Variants in SYN2 observed in about 807,000 individuals in gnomAD.
The protein encoded by SYN2 is synapsin-2.
A neutral mutation model predicts 50.9 loss-of-function variants in SYN2; 19 were observed. The ratio of observed to expected loss-of-function variants is 0.37; its 90% CI spans 0.26 to 0.55. SYN2 has a LOEUF of 0.55. Among genes scored for constraint, SYN2 ranks in the 20% least tolerant of loss-of-function variants. The pLI is 0.81. For synonymous variants in SYN2, 255 were observed against 224.9 expected, an observed-to-expected ratio of 1.13 and a Z score of -1.20; for missense variants, 587 against 576.4, an observed-to-expected ratio of 1.02 and a Z score of -0.19.
At chr3:12,178,050 A>C (rs965047490) in intron 10 of SYN2, among the ~76,000 whole-genome samples, 3 of 152,200 alleles carry the variant, frequency 2.0e-5, no homozygotes, top group African/African-American at 7.2e-5. Flanking sequence ...AAGGTGCCTC[A>C]AAACATGCGG....
At chr3:12,066,066 G>A (rs307593) in intron 1 of SYN2, among the ~76,000 whole-genome samples, 97,513 of 151,932 alleles carry the variant, frequency 0.64, 33,825 homozygotes, top group South Asian at 0.78. Flanking sequence ...GAATTAGATA[G>A]TGGTAAATAT....
chr3:12,091,329 A>G (rs1695823710), intron 1 of SYN2, among the ~76,000 whole-genome samples: 1 of 152,118 alleles, frequency 6.6e-6, no homozygotes, highest in African/African-American at 2.4e-5. Flanking sequence ...TTGCTCTAAT[A>G]TTTTCTCAGA....
chr3:12,187,743 T>G lies in SYN2; in HGVS notation c.1613+131T>G, dbSNP rs1698373842. 6 of 1,367,184 alleles carry G rather than the reference T, an allele frequency of 4.4e-6. No individual in the cohort carries two copies. In the South Asian group the frequency reaches 8.3e-5, roughly 19 times the overall value. 84.7% of individuals were successfully genotyped at this position (1,367,184 alleles called of 1,614,324 possible). On this transcript the variant is annotated intron_variant, in intron 12 of 12. Coordinates refer to ENST00000621198, the MANE Select transcript of SYN2 (RefSeq NM_133625.6). ...GATATTTTGTGATGGGATTTGGTTT[T>G]TTTTTGTTAGTTTGTTTTTGGTTTT... is the stretch of plus-strand genomic sequence containing the variant.
At chr3:12,107,797 A>G (rs1696227958) in intron 1 of SYN2, among the ~76,000 whole-genome samples, 1 of 152,196 alleles carries the variant, frequency 6.6e-6, no homozygotes, top group South Asian at 2.1e-4. Context: ...CTGACTTTTC[A>G]GTGCAGGATG....
intron 1 of SYN2, among the ~76,000 whole-genome samples, chr3:12,055,923 A>C (rs1393625657): frequency 3.3e-5 from 5 of 152,244 alleles, no homozygotes. Flanking sequence ...TGAGCTCCTG[A>C]TAAAAGGAAT....
intron 1 of SYN2, among the ~76,000 whole-genome samples, chr3:12,105,715 C>T (rs1279691516): frequency 6.6e-6 from 1 of 151,906 alleles, no homozygotes; most frequent in Non-Finnish European, 1.5e-5. Flanking sequence ...ACAGGCAGTT[C>T]CAGGAGACAC....
At chr3:12,184,960 A>T (rs1574895882) in intron 11 of SYN2, 2 of 985,716 alleles carry the variant, frequency 2.0e-6, no homozygotes, top group Admixed American at 1.2e-4. Flanking sequence ...GAACTCCCAG[A>T]TCTGAGAAGG....
intron 1 of SYN2, among the ~76,000 whole-genome samples, chr3:12,037,518 A>C (rs925607731): frequency 9.9e-5 from 15 of 152,218 alleles, no homozygotes; most frequent in African/African-American, 3.6e-4. Flanking sequence ...TCCTTGCTAC[A>C]TCATAACATG....
chr3:12,114,682 T>C lies in SYN2; in HGVS notation c.378-25969T>C, dbSNP rs913297338. ...CCCTTCAACTCTCAACTTCACCATA[T>C]GTTTGAAATTTTTCATAAAAAAATA... On this transcript the variant is annotated intron_variant, in intron 1 of 12. Coordinates refer to ENST00000621198, the MANE Select transcript of SYN2 (RefSeq NM_133625.6). Among the ~76,000 whole-genome samples the C allele has an allele frequency of 9.9e-5, 15 of 152,282 alleles. No individual in the cohort carries two copies. The East Asian group carries it at 2.9e-3, about 29-fold the overall frequency.
At chr3:12,005,204 G>T (rs1259728675) in intron 1 of SYN2, among the ~76,000 whole-genome samples, 1 of 152,148 alleles carries the variant, frequency 6.6e-6, no homozygotes, top group Non-Finnish European at 1.5e-5. Context: ...TTATGCAACA[G>T]GAAAGGCCCT....
intron 1 of SYN2, among the ~76,000 whole-genome samples, chr3:12,107,835 CAT>C (rs1190407435): frequency 6.6e-6 from 1 of 152,198 alleles, no homozygotes; most frequent in Admixed American, 6.5e-5. Context: ...TTCCTAAAAT[CAT>C]GTGACTATAG....
intron 1 of SYN2, among the ~76,000 whole-genome samples, chr3:12,094,850 G>A (rs1236888951): frequency 6.6e-6 from 1 of 152,132 alleles, no homozygotes; most frequent in Admixed American, 6.5e-5. Context: ...CAGAGAATAT[G>A]GAATGCTAGA....
chr3:12,082,233 T>TA (rs1473071054), intron 1 of SYN2, among the ~76,000 whole-genome samples: 2 of 152,216 alleles, frequency 1.3e-5, no homozygotes, highest in Admixed American at 6.5e-5. Context: ...ACAAGGGTGA[T>TA]ATGTCTACCA....
chr3:12,013,244 C>T (rs992895161), intron 1 of SYN2, among the ~76,000 whole-genome samples: 33 of 152,228 alleles, frequency 2.2e-4, no homozygotes, highest in African/African-American at 8.0e-4. Flanking sequence ...GTCAAGATTA[C>T]AGGCATGAGC....
At position 12,167,299 on chromosome 3, in the gene SYN2, T is replaced by G. The variant is rs1267367968; in HGVS notation, c.1046T>G (p.Met349Arg). 6.2e-7 allele frequency: 1 copy of G among 1,612,296 alleles called. No individual in the cohort carries two copies. Among genetic ancestry groups the G allele is most frequent in the Non-Finnish European group, 8.5e-7 (1 of 1,179,368 alleles). The change falls in exon 8 of 13, where the codon ATG becomes AGG. Residue 349 changes from methionine to arginine, a missense_variant. Physicochemically the swap from Met to Arg is moderately conservative, Grantham distance 91. Transcript: ENST00000621198. ...TGSAMLEQIA[M>R]SDRYKLWVDT... is the part of the protein sequence containing the mutation. ...TCTGCGATGCTGGAGCAGATTGCCA[T>G]GTCAGACAGGTGAGTTGAGAGAAGG...
At chr3:12,010,312 C>T (rs1454391671) in intron 1 of SYN2, among the ~76,000 whole-genome samples, 2 of 152,000 alleles carry the variant, frequency 1.3e-5, no homozygotes, top group Non-Finnish European at 2.9e-5. Flanking sequence ...TAATATCTTC[C>T]TAAGGAAAAA....
chr3:12,143,480 C>T (rs1052404326), intron 3 of SYN2, among the ~76,000 whole-genome samples: 5 of 152,092 alleles, frequency 3.3e-5, no homozygotes, highest in Non-Finnish European at 7.4e-5. Context: ...CTATTGTTTC[C>T]ATCTTTATGT....
Position 12,145,677 on chromosome 3 carries a change from A to G in SYN2, c.528-2A>G. The G allele has an allele frequency of 6.2e-7, 1 of 1,613,826 alleles. No homozygotes were observed. Among genetic ancestry groups the G allele is most frequent in the Non-Finnish European group, 8.5e-7 (1 of 1,179,764 alleles). On this transcript the variant is annotated splice_acceptor_variant, in intron 3 of 12. Transcript: ENST00000621198. LOFTEE classifies it high-confidence loss of function. ...GCAAACCTGCCTCTACCTTCTCACC[A>G]GGTCCTTCCGGCCAGACTTCGTGCT...
intron 1 of SYN2, among the ~76,000 whole-genome samples, chr3:12,069,644 C>G (rs1695298370): frequency 6.6e-6 from 1 of 152,114 alleles, no homozygotes; most frequent in African/African-American, 2.4e-5. Flanking sequence ...AACTGCCAAA[C>G]TGTATTTCCA....
Sources: allele counts gnomAD v4.1 joint callset (sites outside exome capture counted in the v4.1 genomes callset), GRCh38; gene constraint gnomAD v4.1.1; transcripts MANE v1.5; gene names NCBI Gene and HGNC (gene_info 2026-07-23, HGNC 2026-07-21).